Variants in NUTM2F observed in about 807,000 individuals in gnomAD.
NUTM2F encodes the protein NUT family member 2F.
In NUTM2F, 22 loss-of-function variants were observed where a neutral mutation model predicts 43.3. That is an observed-to-expected ratio of 0.51 (90% confidence interval 0.36 to 0.73). The LOEUF is 0.73. Ranked by LOEUF, NUTM2F falls within the 30% of genes least tolerant of loss-of-function variation. NUTM2F has a pLI of 0.00. For missense variants in NUTM2F, 488 were observed against 927.4 expected (o/e 0.53, Z 6.15); for synonymous variants, 202 against 389.0 (o/e 0.52, Z 5.66).
chr9:94,321,283 C>T (rs1587702120), intron 3 of NUTM2F, 51 bp from the exon 4 acceptor site: 1 of 1,549,280 alleles, frequency 6.5e-7, no homozygotes, highest in Non-Finnish European at 8.7e-7. Flanking sequence ...GGCCCCCTCC[C>T]CCCAGGACCA....
At chr9:94,324,815 A>AC (rs948320320) in intron 2 of NUTM2F, among the ~76,000 whole-genome samples, 2 of 150,584 alleles carry the variant, frequency 1.3e-5, no homozygotes, top group African/African-American at 2.5e-5. Context: ...ACATGGAGAA[A>AC]CCCCATCTCT....
At chr9:94,322,558 T>C (rs1204502820) in intron 2 of NUTM2F, among the ~76,000 whole-genome samples, 1 of 152,236 alleles carries the variant, frequency 6.6e-6, no homozygotes, top group Non-Finnish European at 1.5e-5. Flanking sequence ...GGTGTTATGA[T>C]GTTGACAAGC....
Position 94,325,672 on chromosome 9 carries a change from C to A in NUTM2F, c.279G>T (p.Lys93Asn), listed in dbSNP as rs1312094461. The change falls in exon 2 of 7, where the codon AAG (lysine) becomes AAT (asparagine). Residue 93 changes from lysine to asparagine, a missense_variant. Lys to Asn is a moderately conservative substitution (Grantham distance 94). Coordinates refer to ENST00000253262, the MANE Select transcript of NUTM2F (RefSeq NM_017561.2). ...GGATCAAGGTCTGTGCCTGAGGGGG[C>A]TTCACAGGCCCCACTTCTGTCCTCA... ...VQMRTEVGPV[K>N]PPQAQTLILT... 1.2e-5 allele frequency: 19 copies of A among 1,610,724 alleles called. No individual in the cohort carries two copies. The highest frequency in any genetic ancestry group is 1.6e-5 in the Non-Finnish European group (19 of 1,179,668).
At chr9:94,327,167 G>A (rs1423018392) in intron 1 of NUTM2F, among the ~76,000 whole-genome samples, 1 of 146,058 alleles carries the variant, frequency 6.8e-6, no homozygotes, top group Non-Finnish European at 1.5e-5. Flanking sequence ...GCAGTGGTGC[G>A]ATCTCAGCTC....
Position 94,325,872 on chromosome 9 carries a change from C to A in NUTM2F, c.79G>T (p.Ala27Ser). 2 of 1,611,956 alleles carry A rather than the reference C, an allele frequency of 1.2e-6. No homozygotes were observed. Among genetic ancestry groups the A allele is most frequent in the African/African-American group, 1.3e-5 (1 of 74,982 alleles). The stretch of plus-strand genomic sequence containing the variant: ...GGAGCGGGTGTGGCAAAGGGCAGAG[C>A]CGTGAACACAGACAGGGAGGTGCCA... ...NPGTSLSVFT[A>S]LPFATPAPGP... Residue 27 changes from alanine (A) to serine (S), a missense_variant, in exon 2 of 7, where the codon GCT (alanine) becomes TCT (serine). By Grantham distance (99) the Ala-to-Ser change is moderately conservative (BLOSUM62 1). Transcript: ENST00000253262.
intron 3 of NUTM2F, among the ~76,000 whole-genome samples, 187 bp downstream of exon 3, chr9:94,322,014 G>A (rs1296736261): frequency 4.0e-5 from 6 of 151,082 alleles, no homozygotes; most frequent in Non-Finnish European, 4.4e-5. Flanking sequence ...CCAAGAGGGC[G>A]GGACAGAGAC....
chr9:94,323,328 C>T (rs892888538), intron 2 of NUTM2F, among the ~76,000 whole-genome samples: 3 of 152,232 alleles, frequency 2.0e-5, no homozygotes, highest in African/African-American at 4.8e-5. Context: ...GCAGGGGACT[C>T]CCCTAGGGGA....
chr9:94,320,657 G>T lies in NUTM2F; in HGVS notation c.983-64C>A, dbSNP rs1201712429. 1 of 1,469,894 alleles carries T rather than the reference G, an allele frequency of 6.8e-7. No homozygotes were observed. Among genetic ancestry groups the T allele is most frequent in the Non-Finnish European group, 9.1e-7 (1 of 1,096,562 alleles). 91.1% of individuals were successfully genotyped at this position (1,469,894 alleles called of 1,614,324 possible). On this transcript the variant is annotated intron_variant, in intron 4 of 6. Transcript: ENST00000253262. This position sits in a 1 kb window ranked among gnomAD's most constrained non-coding sequence, Gnocchi z 4.5. ...CGCTCCTCCTGCCTGCACCACACAG[G>T]GGAGGGCAGGGCTTGGGGATGTGAA...
intron 1 of NUTM2F, among the ~76,000 whole-genome samples, chr9:94,327,106 CTTT>C (rs374345559): frequency 1.8e-5 from 2 of 108,774 alleles, no homozygotes; most frequent in Non-Finnish European, 4.0e-5. Flanking sequence ...TCTTTTTTTT[CTTT>C]TTTTTTTTTT....
Position 94,325,680 on chromosome 9 carries a change from G to A in NUTM2F, c.271C>T (p.Pro91Ser). 1.2e-6 allele frequency: 2 copies of A among 1,611,012 alleles called. No homozygotes were observed. The highest frequency in any genetic ancestry group is 1.7e-6 in the Non-Finnish European group (2 of 1,179,728). Residue 91 changes from proline (P) to serine (S), a missense_variant, in exon 2 of 7, where the codon CCT becomes TCT. Coordinates refer to ENST00000253262, the MANE Select transcript of NUTM2F (RefSeq NM_017561.2). ...GTCTGTGCCTGAGGGGGCTTCACAG[G>A]CCCCACTTCTGTCCTCATCTGGACA... Reference protein sequence around the residue: ...VFVQMRTEVGPVKPPQAQTLI... With the variant: ...VFVQMRTEVGSVKPPQAQTLI...
chr9:94,324,151 G>C (rs372252808), intron 2 of NUTM2F, among the ~76,000 whole-genome samples: 1 of 150,264 alleles, frequency 6.7e-6, no homozygotes, highest in African/African-American at 2.4e-5. Flanking sequence ...GCGCCTGTAA[G>C]CCCAGGTACT....
chr9:94,324,028 G>A (rs1017694228), intron 2 of NUTM2F, among the ~76,000 whole-genome samples: 5 of 152,186 alleles, frequency 3.3e-5, no homozygotes, highest in African/African-American at 7.2e-5. Context: ...CTAGCACTTT[G>A]GGAGGCTGAG....
At chr9:94,323,229 G>A (rs1318178275) in intron 2 of NUTM2F, among the ~76,000 whole-genome samples, 2 of 152,012 alleles carry the variant, frequency 1.3e-5, no homozygotes, top group African/African-American at 2.4e-5. Context: ...CCGGGACTCC[G>A]CTCCAAGGGG....
At position 94,325,822 on chromosome 9, in the gene NUTM2F, G is replaced by A. The variant is rs141340279; in HGVS notation, c.129C>T (p.Leu43=). The A allele has an allele frequency of 4.6e-3, 7,363 of 1,612,072 alleles. 275 individuals carry two copies. The African/African-American group carries it at 0.087, about 19-fold the overall frequency. ...PAPGPAHRPP[L]VTAVVPPAGP... is the part of the protein sequence containing the mutation. ...CGGCTGGAGGAACCACTGCAGTCAC[G>A]AGGGGCGGCCTGTGTGCTGGGCCGG... Residue 43 remains leucine (L), a synonymous_variant, in exon 2 of 7, where the codon CTC becomes CTT. Transcript: ENST00000253262.
chr9:94,321,696 C>T (rs1300100408), intron 3 of NUTM2F, among the ~76,000 whole-genome samples: 2 of 144,806 alleles, frequency 1.4e-5, no homozygotes, highest in East Asian at 2.1e-4. Context: ...CCTGAGGCTG[C>T]TGTCTGTCTG....
intron 2 of NUTM2F, among the ~76,000 whole-genome samples, chr9:94,324,438 G>A (rs1441797625): frequency 2.7e-5 from 4 of 149,886 alleles, no homozygotes; most frequent in African/African-American, 4.9e-5. Flanking sequence ...CGAGGCGGGC[G>A]AATCACCAGG....
intron 1 of NUTM2F, among the ~76,000 whole-genome samples, chr9:94,326,268 C>T (rs1473235807): frequency 6.6e-6 from 1 of 152,044 alleles, no homozygotes; most frequent in African/African-American, 2.4e-5. Context: ...ATGAGTCTCT[C>T]GGTGGCTTGG....
chr9:94,323,263 G>C (rs542318386), intron 2 of NUTM2F, among the ~76,000 whole-genome samples: 1 of 152,294 alleles, frequency 6.6e-6, no homozygotes, highest in Non-Finnish European at 1.5e-5. Context: ...TCCAGGGTGT[G>C]GGGGCAGCGA....
intron 2 of NUTM2F, among the ~76,000 whole-genome samples, chr9:94,324,674 AAAAAG>A (rs1166410359): frequency 0.028 from 4,086 of 147,370 alleles, 189 homozygotes; most frequent in African/African-American, 0.099. Flanking sequence ...AAAAAAAAAA[AAAAAG>A]AAAAGAAAAG....
Sources: allele counts gnomAD v4.1 joint callset (sites outside exome capture counted in the v4.1 genomes callset), GRCh38; gene constraint gnomAD v4.1.1; non-coding constraint Gnocchi (gnomAD v3.1); transcripts MANE v1.5; gene names NCBI Gene and HGNC (gene_info 2026-07-23, HGNC 2026-07-21).